The following ATP6V0A2 variants were observed in gnomAD, a reference collection of about 807,000 sequenced individuals.
ATP6V0A2 encodes ATPase H+ transporting V0 subunit a2.
Under a neutral mutation model 104.4 loss-of-function variants are expected in ATP6V0A2, and 58 were observed. That is an observed-to-expected ratio of 0.56 (90% CI 0.45 to 0.69). The LOEUF is 0.69. ATP6V0A2 is among the 30% of genes least tolerant of loss of function. The probability of loss-of-function intolerance (pLI) is 0.00; values close to 1 mark genes in which losing one functional copy is unlikely to be tolerated. For missense variants in ATP6V0A2, 938 were observed against 1,062.9 expected (o/e 0.88, Z 1.63); for synonymous variants, 376 against 397.9 (o/e 0.95, Z 0.65).
chr12:123,736,797 G>C (rs1279505779), intron 8 of ATP6V0A2, among the ~76,000 whole-genome samples: 1 of 152,060 alleles, frequency 6.6e-6, no homozygotes, highest in Non-Finnish European at 1.5e-5. Flanking sequence ...CATTTCCTGT[G>C]CCCTAGGGTC....
chr12:123,745,074 C>CTCAA, intron 13 of ATP6V0A2, 102 bp downstream of exon 13: 1 of 1,191,396 alleles, frequency 8.4e-7, no homozygotes, highest in Non-Finnish European at 1.2e-6. Context: ...GTTCACGCTG[C>CTCAA]CCTGAGCGGG....
chr12:123,722,160 T>C (rs1434321474), intron 2 of ATP6V0A2, among the ~76,000 whole-genome samples, 191 bp from the exon 3 acceptor site: 1 of 152,238 alleles, frequency 6.6e-6, no homozygotes, highest in South Asian at 2.1e-4. Flanking sequence ...TGCAGATCTC[T>C]CTAGGCAGCA....
chr12:123,746,629 C>T (rs1002804572), intron 13 of ATP6V0A2, among the ~76,000 whole-genome samples: 4 of 138,684 alleles, frequency 2.9e-5, no homozygotes, highest in Non-Finnish European at 6.1e-5. Context: ...AGCAGTGAGA[C>T]CCCTTACCTT....
chr12:123,716,489 A>G (rs1011726308), intron 1 of ATP6V0A2, among the ~76,000 whole-genome samples: 25 of 152,132 alleles, frequency 1.6e-4, no homozygotes, highest in Admixed American at 1.3e-4. Flanking sequence ...TTTACCCATG[A>G]TTTTTAGAAA....
rs770611939 is a variant in ATP6V0A2, at chr12:123,744,258, G to A, written c.1247G>A (p.Gly416Glu). ...FLFAVMFGDF[G>E]HGFVMFLFAL... ...TTTGCTGTGATGTTTGGAGACTTCGGACATGGCTTTGTGATGTTTTTATTT... is the reference window on the plus strand; with the variant it reads ...TTTGCTGTGATGTTTGGAGACTTCGAACATGGCTTTGTGATGTTTTTATTT... Residue 416 changes from glycine to glutamate, a missense_variant, in exon 11 of 20, where the codon GGA (glycine) becomes GAA (glutamate). Gly to Glu is a moderately conservative substitution (Grantham distance 98). Coordinates refer to ENST00000330342, the MANE Select transcript of ATP6V0A2 (RefSeq NM_012463.4). The surrounding 1 kb of genome is among the most constrained non-coding windows in gnomAD (Gnocchi z 5.4). 3.7e-6 allele frequency: 6 copies of A among 1,614,020 alleles called. No homozygotes were observed. Among genetic ancestry groups the A allele is most frequent in the Non-Finnish European group, 5.1e-6 (6 of 1,180,024 alleles).
At chr12:123,716,706 G>T (rs1488576149) in intron 1 of ATP6V0A2, among the ~76,000 whole-genome samples, 2 of 151,348 alleles carry the variant, frequency 1.3e-5, no homozygotes, top group Non-Finnish European at 2.9e-5. Flanking sequence ...CAGGAGGATC[G>T]CTTGAACCTG....
chr12:123,746,123 A>G, intron 13 of ATP6V0A2, among the ~76,000 whole-genome samples: 1 of 152,132 alleles, frequency 6.6e-6, no homozygotes, highest in East Asian at 1.9e-4. Context: ...TTCAGTAATA[A>G]CTTGTAGCTT....
intron 3 of ATP6V0A2, among the ~76,000 whole-genome samples, chr12:123,722,768 T>C (rs923381218): frequency 7.9e-5 from 12 of 152,138 alleles, no homozygotes; most frequent in African/African-American, 2.9e-4. Flanking sequence ...TCCTGTACTG[T>C]TTCAGAAAGC....
chr12:123,724,900 CTTCTT>C, intron 4 of ATP6V0A2, 109 bp downstream of exon 4: 3 of 818,106 alleles, frequency 3.7e-6, no homozygotes, highest in Non-Finnish European at 5.8e-6. Flanking sequence ...AGATATGTTG[CTTCTT>C]TTAAGAGATT....
chr12:123,736,310 G>A (rs1956553212), intron 8 of ATP6V0A2, among the ~76,000 whole-genome samples: 1 of 150,058 alleles, frequency 6.7e-6, no homozygotes, highest in South Asian at 2.1e-4. Flanking sequence ...TCCTGCCTCA[G>A]CCTCCCAAGT....
At chr12:123,748,459 G>A in intron 14 of ATP6V0A2, 116 bp from the exon 15 acceptor site, 1 of 825,550 alleles carries the variant, frequency 1.2e-6, no homozygotes, top group East Asian at 2.5e-5. Context: ...TTCATCATAT[G>A]AGAAATGATG....
In ATP6V0A2 at chr12:123,744,857, C is replaced by T; in HGVS notation, c.1515-25C>T. 1 of 1,614,018 alleles carries T rather than the reference C, an allele frequency of 6.2e-7. No individual in the cohort carries two copies. The highest frequency in any genetic ancestry group is 1.1e-5 in the South Asian group (1 of 91,086). ...TAGACCTTCCTCCTCCCAGGTCAGCCTCCTCACTCTGCTTTTTGTTACAGT... is the reference window on the plus strand; with the variant it reads ...TAGACCTTCCTCCTCCCAGGTCAGCTTCCTCACTCTGCTTTTTGTTACAGT... On this transcript the variant is annotated intron_variant, in intron 12 of 19. Transcript: ENST00000330342. This position sits in a 1 kb window ranked among gnomAD's most constrained non-coding sequence, Gnocchi z 5.4.
Position 123,735,602 on chromosome 12 carries a change from C to A in ATP6V0A2, c.803C>A (p.Thr268Asn). 1.2e-6 allele frequency: 2 copies of A among 1,614,002 alleles called. No homozygotes were observed. The highest frequency in any genetic ancestry group is 4.5e-5 in the East Asian group (2 of 44,882). The change falls in exon 8 of 20, where the codon ACC becomes AAC. Residue 268 changes from threonine (T) to asparagine (N), a missense_variant. By Grantham distance (65) the Thr-to-Asn change is moderately conservative (BLOSUM62 0). Coordinates refer to ENST00000330342, the MANE Select transcript of ATP6V0A2 (RefSeq NM_012463.4). Reference sequence around the variant, plus strand: ...AGGGAGATCCAGGAGGGGCTGAACACCCGCATCCAGGATCTCTACACTGTG... The same window carrying A: ...AGGGAGATCCAGGAGGGGCTGAACAACCGCATCCAGGATCTCTACACTGTG... The part of the protein sequence containing the change: ...ERREIQEGLN[T>N]RIQDLYTVLH...
In ATP6V0A2 at chr12:123,744,242, A is replaced by C. The variant is rs766987475; in HGVS notation, c.1231A>C (p.Met411Leu). 3.1e-6 allele frequency: 5 copies of C among 1,613,934 alleles called. No individual in the cohort carries two copies. The highest frequency in any genetic ancestry group is 4.2e-6 in the Non-Finnish European group (5 of 1,179,978). ...CACCTTCCCGTTTTTATTTGCTGTG[A>C]TGTTTGGAGACTTCGGACATGGCTT... ...IITFPFLFAV[M>L]FGDFGHGFVM... is the part of the protein sequence containing the mutation. Residue 411 changes from methionine to leucine, a missense_variant, in exon 11 of 20, where the codon ATG becomes CTG. Coordinates refer to ENST00000330342, the MANE Select transcript of ATP6V0A2 (RefSeq NM_012463.4). The surrounding 1 kb of genome is among the most constrained non-coding windows in gnomAD (Gnocchi z 5.4).
chr12:123,725,867 A>G (rs1248209757), intron 4 of ATP6V0A2, among the ~76,000 whole-genome samples: 2 of 152,240 alleles, frequency 1.3e-5, no homozygotes, highest in Admixed American at 1.3e-4. Flanking sequence ...GGAGCTAAGT[A>G]TAGAAGAGAC....
intron 15 of ATP6V0A2, 184 bp from the exon 16 acceptor site, chr12:123,750,926 A>G: frequency 1.5e-6 from 1 of 686,280 alleles, no homozygotes; most frequent in African/African-American, 1.8e-5. Context: ...GTTATTCATC[A>G]GTTCTAGAAT....
chr12:123,740,212 T>C (rs1956595832), intron 9 of ATP6V0A2, among the ~76,000 whole-genome samples: 1 of 151,928 alleles, frequency 6.6e-6, no homozygotes, highest in Non-Finnish European at 1.5e-5. Context: ...CTCTTTTTTT[T>C]TTTTTTTGGA....
At position 123,737,251 on chromosome 12, in the gene ATP6V0A2, C is replaced by G; in HGVS notation, c.1018C>G (p.Arg340Gly). Residue 340 changes from arginine to glycine, a missense_variant, in exon 9 of 20, where the codon CGG (arginine) becomes GGG (glycine). Arg to Gly is a moderately radical substitution (Grantham distance 125). Transcript: ENST00000330342. Reference sequence around the variant, plus strand: ...CGAGGCGGATCTGCAGGACCTGCGCCGGGCACTGGAGGAGGGCTCGGTAAG... The same window carrying G: ...CGAGGCGGATCTGCAGGACCTGCGCGGGGCACTGGAGGAGGGCTCGGTAAG... ...CPEADLQDLR[R>G]ALEEGSRESG... is the part of the protein sequence containing the mutation. 3.1e-6 allele frequency: 5 copies of G among 1,614,118 alleles called. No individual in the cohort carries two copies. The highest frequency in any genetic ancestry group is 4.2e-6 in the Non-Finnish European group (5 of 1,180,032).
rs764483200 is a variant in ATP6V0A2, at chr12:123,722,463, A to T, written c.294+15A>T. 1 of 1,522,702 alleles carries T rather than the reference A, an allele frequency of 6.6e-7. No homozygotes were observed. The highest frequency in any genetic ancestry group is 9.1e-7 in the Non-Finnish European group (1 of 1,096,608). The allele number at this position is 1,522,702 out of a possible 1,614,324, so 94.3% of individuals were successfully genotyped here. ...TAGAAATGCAGGTAACTTGCTTCTG[A>T]CGAAGCTGGTTGCAGCCATTGATCT... On this transcript the variant is annotated intron_variant, in intron 3 of 19. Transcript: ENST00000330342.
Sources: allele counts gnomAD v4.1 joint callset (sites outside exome capture counted in the v4.1 genomes callset), GRCh38; gene constraint gnomAD v4.1.1; non-coding constraint Gnocchi (gnomAD v3.1); transcripts MANE v1.5; gene names NCBI Gene and HGNC (gene_info 2026-07-23, HGNC 2026-07-21).